The following SFXN5 variants were observed in gnomAD, a reference collection of about 807,000 sequenced individuals.
The protein encoded by SFXN5 is sideroflexin-5.
A neutral mutation model predicts 50.2 loss-of-function variants in SFXN5; 43 were observed. The ratio of observed to expected loss-of-function variants is 0.86; its 90% CI spans 0.67 to 1.11. The LOEUF is 1.11. Ranked by LOEUF, SFXN5 falls within the 50% of genes least tolerant of loss-of-function variation. The probability of loss-of-function intolerance (pLI) is 0.00; values close to 1 mark genes in which losing one functional copy is unlikely to be tolerated. For synonymous variants in SFXN5, 203 were observed against 185.8 expected, an observed-to-expected ratio of 1.09 and a Z score of -0.75; for missense variants, 463 against 454.1, an observed-to-expected ratio of 1.02 and a Z score of -0.18.
intron 3 of SFXN5, among the ~76,000 whole-genome samples, chr2:73,033,863 G>A (rs771844033): frequency 6.6e-6 from 1 of 152,166 alleles, no homozygotes; most frequent in Non-Finnish European, 1.5e-5. Flanking sequence ...ATTTTTGATT[G>A]TCATGACTGG....
chr2:73,005,983 T>C lies in SFXN5; in HGVS notation c.358-4405A>G, dbSNP rs552427544. On this transcript the variant is annotated intron_variant, in intron 6 of 13. Coordinates refer to ENST00000272433, the MANE Select transcript of SFXN5 (RefSeq NM_144579.3). ...TTCCCACTCCCTGCACCCATACCCTTGCCACGGCCTCATCACAGAAGGAAT... is the reference window on the plus strand; with the variant it reads ...TTCCCACTCCCTGCACCCATACCCTCGCCACGGCCTCATCACAGAAGGAAT... 3.3e-5 allele frequency among the ~76,000 whole-genome samples: 5 copies of C among 152,284 alleles called. No homozygotes were observed. In the South Asian group the frequency reaches 1.0e-3, roughly 32 times the overall value.
chr2:72,987,862 TG>T (rs1299031924), intron 10 of SFXN5, among the ~76,000 whole-genome samples: 1 of 152,258 alleles, frequency 6.6e-6, no homozygotes, highest in Non-Finnish European at 1.5e-5. Context: ...TGAAAACATC[TG>T]TGATTTCTAC....
At chr2:73,038,390 G>A (rs1303817331) in intron 3 of SFXN5, among the ~76,000 whole-genome samples, 1 of 152,220 alleles carries the variant, frequency 6.6e-6, no homozygotes, top group African/African-American at 2.4e-5. Flanking sequence ...GTGAGTCACT[G>A]AGTGTGTAGT....
At chr2:73,021,745 T>C (rs946983796) in intron 5 of SFXN5, among the ~76,000 whole-genome samples, 1 of 152,136 alleles carries the variant, frequency 6.6e-6, no homozygotes, top group Admixed American at 6.5e-5. Context: ...TCCACCCTCA[T>C]AATTCAAGGT....
At chr2:72,980,778 C>A (rs918114457) in intron 10 of SFXN5, among the ~76,000 whole-genome samples, 2 of 152,184 alleles carry the variant, frequency 1.3e-5, no homozygotes, top group Admixed American at 1.3e-4. Flanking sequence ...AAACCCCAAG[C>A]TAACACTCAT....
intron 3 of SFXN5, among the ~76,000 whole-genome samples, chr2:73,027,961 C>T (rs192991216): frequency 3.0e-4 from 46 of 152,234 alleles, no homozygotes; most frequent in African/African-American, 1.0e-3. Flanking sequence ...CGTGCCTGGC[C>T]CCATCTTTTT....
chr2:72,974,466 G>A (rs774358006), intron 10 of SFXN5, among the ~76,000 whole-genome samples: 2 of 152,084 alleles, frequency 1.3e-5, no homozygotes, highest in African/African-American at 2.4e-5. Flanking sequence ...CAATTCTGAA[G>A]CTGCCTGAAT....
Position 72,961,178 on chromosome 2 carries a change from C to A in SFXN5, c.898G>T (p.Gly300Cys). The change falls in exon 13 of 14, where the codon GGC (glycine) becomes TGC (cysteine). Residue 300 changes from glycine to cysteine, a missense_variant. Physicochemically the swap from Gly to Cys is radical, Grantham distance 159. Transcript: ENST00000272433. This position sits in a 1 kb window ranked among gnomAD's most constrained non-coding sequence, Gnocchi z 4.4. Reference protein sequence around the residue: ...VQSLVCLAAFGLALPLAISLF... With the variant: ...VQSLVCLAAFCLALPLAISLF... ...CTGATGGCCAGCGGCAGGGCCAGGCCGAAGGCTGCCAGGCACACGAGGCTT... is the reference window on the plus strand; with the variant it reads ...CTGATGGCCAGCGGCAGGGCCAGGCAGAAGGCTGCCAGGCACACGAGGCTT... 6.3e-7 allele frequency: 1 copy of A among 1,575,612 alleles called. No homozygotes were observed. Among genetic ancestry groups the A allele is most frequent in the Non-Finnish European group, 8.6e-7 (1 of 1,163,794 alleles).
intron 10 of SFXN5, among the ~76,000 whole-genome samples, chr2:72,983,808 C>A (rs1030604751): frequency 6.6e-6 from 1 of 152,202 alleles, no homozygotes; most frequent in Admixed American, 6.5e-5. Context: ...CTGGTAACTG[C>A]TCCTGGTACC....
intron 6 of SFXN5, among the ~76,000 whole-genome samples, chr2:73,010,494 A>G (rs1030003420): frequency 6.6e-6 from 1 of 152,218 alleles, no homozygotes; most frequent in African/African-American, 2.4e-5. Flanking sequence ...TGGGTTCCTG[A>G]TGATATTGTG....
chr2:73,001,544 G>A lies in SFXN5; in HGVS notation c.392C>T (p.Ala131Val). Reference protein sequence around the residue: ...VGLLLPNQTLASTVFWQWLNQ... With the variant: ...VGLLLPNQTLVSTVFWQWLNQ... ...TGTTACCTGCCAGAAGACAGTGGAT[G>A]CCAGTGTCTGGTTGGGCAAGAGAAG... The change falls in exon 7 of 14, where the codon GCA (alanine) becomes GTA (valine). Residue 131 changes from alanine (A) to valine (V), a missense_variant. Ala to Val is a moderately conservative substitution (Grantham distance 64, BLOSUM62 0). Transcript: ENST00000272433. 6.2e-7 allele frequency: 1 copy of A among 1,614,212 alleles called. No homozygotes were observed. The highest frequency in any genetic ancestry group is 1.1e-5 in the South Asian group (1 of 91,084).
At chr2:72,998,278 T>C (rs1214487797) in intron 9 of SFXN5, 2 of 152,266 alleles carry the variant, frequency 1.3e-5, no homozygotes, top group East Asian at 3.9e-4. Flanking sequence ...CCTGGCAGCT[T>C]GAGCGTCCAC....
intron 9 of SFXN5, 112 bp downstream of exon 9, chr2:72,998,837 G>T: frequency 8.4e-7 from 1 of 1,191,852 alleles, no homozygotes; most frequent in Non-Finnish European, 1.2e-6. Flanking sequence ...ACAGAAACCT[G>T]TCTCCCAAAT....
intron 13 of SFXN5, among the ~76,000 whole-genome samples, chr2:72,947,449 G>T (rs1190611009): frequency 6.6e-6 from 1 of 152,192 alleles, no homozygotes; most frequent in South Asian, 2.1e-4. Context: ...GGTCCCCGCC[G>T]GACATTTGCC....
At chr2:72,985,409 G>T (rs982595216) in intron 10 of SFXN5, among the ~76,000 whole-genome samples, 4 of 152,294 alleles carry the variant, frequency 2.6e-5, no homozygotes, top group Middle Eastern at 3.4e-3. Context: ...GGACTGGACG[G>T]TGGCCTGAGA....
intron 1 of SFXN5, among the ~76,000 whole-genome samples, chr2:73,061,336 T>C (rs1384815785): frequency 1.3e-5 from 2 of 148,596 alleles, no homozygotes; most frequent in African/African-American, 4.9e-5. Flanking sequence ...AGTCACATAC[T>C]CTGATGTATT....
chr2:73,032,942 A>G (rs1367417574), intron 3 of SFXN5, among the ~76,000 whole-genome samples: 1 of 152,146 alleles, frequency 6.6e-6, no homozygotes, highest in Non-Finnish European at 1.5e-5. Flanking sequence ...AGGTGAGGGT[A>G]CCCCCAATTC....
intron 12 of SFXN5, among the ~76,000 whole-genome samples, chr2:72,966,044 T>C (rs1674357137): frequency 6.6e-6 from 1 of 152,172 alleles, no homozygotes; most frequent in African/African-American, 2.4e-5. Flanking sequence ...AGTAAGCTGA[T>C]GTCCCCCAGG....
At chr2:73,001,994 A>G (rs1559141450) in intron 6 of SFXN5, among the ~76,000 whole-genome samples, 1 of 152,222 alleles carries the variant, frequency 6.6e-6, no homozygotes, top group Non-Finnish European at 1.5e-5. Flanking sequence ...AAAACAAGCA[A>G]ACAAAAGGAA....
Sources: allele counts gnomAD v4.1 joint callset (sites outside exome capture counted in the v4.1 genomes callset), GRCh38; gene constraint gnomAD v4.1.1; non-coding constraint Gnocchi (gnomAD v3.1); transcripts MANE v1.5; gene names NCBI Gene and HGNC (gene_info 2026-07-23, HGNC 2026-07-21).